ARHGAP42: variants seen among roughly 807,000 people sequenced by gnomAD.
ARHGAP42 encodes the protein rho GTPase-activating protein 42.
Under a neutral mutation model 125.0 loss-of-function variants are expected in ARHGAP42, and 63 were observed. The ratio of observed to expected loss-of-function variants is 0.50; its 90% CI spans 0.41 to 0.62. The LOEUF (loss-of-function observed/expected upper bound fraction) is 0.62. Among genes scored for constraint, ARHGAP42 ranks in the 20% least tolerant of loss-of-function variants. ARHGAP42 has a pLI of 0.00. For missense variants in ARHGAP42, 766 were observed against 1,024.2 expected, an observed-to-expected ratio of 0.75 and a Z score of 3.44; for synonymous variants, 339 against 351.0, an observed-to-expected ratio of 0.97 and a Z score of 0.38.
rs761581014 is a variant in ARHGAP42, at chr11:100,993,488, AATATACCACCACAT to A, written c.*4690_*4703del. On this transcript the variant is annotated 3_prime_UTR_variant, in exon 24 of 24. Coordinates refer to ENST00000298815, the MANE Select transcript of ARHGAP42 (RefSeq NM_152432.4). ...TGCACATGATTGATGCTTAAAATCC[AATATACCACCACAT>A]ATCAAAGGTTGGGATTTTCAGAGTC... 1.8e-5 allele frequency: 3 copies of A among 167,024 alleles called. No homozygotes were observed. Among genetic ancestry groups the A allele is most frequent in the Non-Finnish European group, 2.9e-5 (2 of 68,116 alleles). 10.3% of individuals were successfully genotyped at this position (167,024 alleles called of 1,614,324 possible).
At chr11:100,805,784 G>GACA (rs1863973931) in intron 3 of ARHGAP42, among the ~76,000 whole-genome samples, 2 of 152,164 alleles carry the variant, frequency 1.3e-5, no homozygotes, top group African/African-American at 2.4e-5. Context: ...AAACTGTCAT[G>GACA]GTGCTGGTGG....
chr11:100,875,377 G>A (rs1865796847), intron 4 of ARHGAP42, among the ~76,000 whole-genome samples: 1 of 152,068 alleles, frequency 6.6e-6, no homozygotes, highest in Non-Finnish European at 1.5e-5. Context: ...TAGGGCTGGG[G>A]CTAGGGGTGG....
chr11:100,962,496 A>G, intron 16 of ARHGAP42, 29 bp downstream of exon 16: 1 of 1,502,748 alleles, frequency 6.7e-7, no homozygotes, highest in Admixed American at 2.0e-5. Context: ...TATACACATT[A>G]TAATTGATGT....
chr11:100,940,843 CAT>C (rs35159175), intron 8 of ARHGAP42, among the ~76,000 whole-genome samples: 134,116 of 152,050 alleles, frequency 0.88, 59,236 homozygotes, highest in East Asian at 1. Context: ...ATTAAGAACT[CAT>C]ATTCTAGTCA....
chr11:100,978,818 C>T lies in ARHGAP42; in HGVS notation c.2394-169C>T, dbSNP rs1054350723. Among the ~76,000 whole-genome samples the T allele has an allele frequency of 4.6e-5, 7 of 152,280 alleles. No homozygotes were observed. The East Asian group carries it at 5.8e-4, about 13-fold the overall frequency. Reference sequence around the variant, plus strand: ...GTACTCTGTAAGCTGGAGGTTAGATCTAAAAATCTCATTGACATTAAAGGT... The same window carrying T: ...GTACTCTGTAAGCTGGAGGTTAGATTTAAAAATCTCATTGACATTAAAGGT... On this transcript the variant is annotated intron_variant, in intron 21 of 23. Transcript: ENST00000298815.
At chr11:100,808,010 T>C (rs1300373487) in intron 3 of ARHGAP42, among the ~76,000 whole-genome samples, 1 of 152,196 alleles carries the variant, frequency 6.6e-6, no homozygotes, top group East Asian at 1.9e-4. Flanking sequence ...ATAAAGTTAG[T>C]GTGTAACTGT....
In ARHGAP42 at chr11:100,687,467, G is replaced by A. The variant is rs1192101795; in HGVS notation, c.-212G>A. 1.3e-5 allele frequency among the ~76,000 whole-genome samples: 2 copies of A among 151,868 alleles called. No homozygotes were observed. Among genetic ancestry groups the A allele is most frequent in the Non-Finnish European group, 2.9e-5 (2 of 67,942 alleles). On this transcript the variant is annotated 5_prime_UTR_variant, in exon 1 of 24. Coordinates refer to ENST00000298815, the MANE Select transcript of ARHGAP42 (RefSeq NM_152432.4). Reference sequence around the variant, plus strand: ...ACTCGCGCCTCGGCCCGCCGCCCGCGCCTGCGCTCGCCTAGCCTCGGGGGA... The same window carrying A: ...ACTCGCGCCTCGGCCCGCCGCCCGCACCTGCGCTCGCCTAGCCTCGGGGGA...
chr11:100,939,284 A>G (rs1028842873), intron 8 of ARHGAP42, among the ~76,000 whole-genome samples: 56 of 152,224 alleles, frequency 3.7e-4, no homozygotes, highest in African/African-American at 1.3e-3. Flanking sequence ...ATTTAAACCC[A>G]TGTCATAATG....
At chr11:100,863,125 T>C (rs1346014008) in intron 4 of ARHGAP42, among the ~76,000 whole-genome samples, 1 of 151,674 alleles carries the variant, frequency 6.6e-6, no homozygotes, top group Admixed American at 6.6e-5. Flanking sequence ...TATGTATAGA[T>C]CAATTTTCTT....
intron 3 of ARHGAP42, among the ~76,000 whole-genome samples, chr11:100,837,926 T>TTTTTATTTTATTTTATTTTA (rs140607707): frequency 0.11 from 13,087 of 116,718 alleles, 1,269 homozygotes; most frequent in African/African-American, 0.19. Flanking sequence ...GTCTAACAGG[T>TTTTTATTTTATTTTATTTTA]TTTTATTTTA....
intron 1 of ARHGAP42, among the ~76,000 whole-genome samples, chr11:100,715,200 A>G (rs377451092): frequency 2.0e-4 from 31 of 152,150 alleles, no homozygotes; most frequent in African/African-American, 7.2e-4. Context: ...GCTGGGAGAA[A>G]ACTTAAAACT....
intron 3 of ARHGAP42, among the ~76,000 whole-genome samples, chr11:100,852,213 A>G (rs989264081): frequency 5.9e-5 from 9 of 152,134 alleles, no homozygotes; most frequent in African/African-American, 2.2e-4. Context: ...TTGCATATAT[A>G]TTGGGATATC....
intron 12 of ARHGAP42, among the ~76,000 whole-genome samples, chr11:100,952,136 C>A (rs1289693523): frequency 6.6e-6 from 1 of 151,980 alleles, no homozygotes; most frequent in Non-Finnish European, 1.5e-5. Context: ...TTACTTGAAG[C>A]CTGTTTTTAA....
chr11:100,952,726 A>C (rs985842067), intron 12 of ARHGAP42, among the ~76,000 whole-genome samples: 2 of 58,634 alleles, frequency 3.4e-5, no homozygotes. Flanking sequence ...TAATTCACCT[A>C]AGTCAGGCTT....
intron 12 of ARHGAP42, among the ~76,000 whole-genome samples, chr11:100,953,481 C>A (rs1195848469): frequency 1.3e-5 from 2 of 152,148 alleles, no homozygotes; most frequent in African/African-American, 4.8e-5. Context: ...GAAAATCCTA[C>A]AAGCAACAGT....
intron 4 of ARHGAP42, among the ~76,000 whole-genome samples, chr11:100,885,245 C>G (rs1271933724): frequency 6.6e-6 from 1 of 152,178 alleles, no homozygotes; most frequent in Non-Finnish European, 1.5e-5. Flanking sequence ...TTGAGTTAAA[C>G]AGTTAAAATA....
chr11:100,978,875 C>A, intron 21 of ARHGAP42, 112 bp from the exon 22 acceptor site: 1 of 1,013,066 alleles, frequency 9.9e-7, no homozygotes, highest in Non-Finnish European at 1.5e-6. Flanking sequence ...CTAATTTTGG[C>A]AATGGTTCTC....
intron 17 of ARHGAP42, among the ~76,000 whole-genome samples, chr11:100,971,260 CT>C (rs1253166912): frequency 6.6e-6 from 1 of 151,716 alleles, no homozygotes; most frequent in African/African-American, 2.4e-5. Context: ...ATGATTTTTT[CT>C]CTGTTTATTG....
chr11:100,775,925 T>C (rs682847), intron 2 of ARHGAP42, among the ~76,000 whole-genome samples: 42,235 of 152,032 alleles, frequency 0.28, 6,088 homozygotes, highest in Non-Finnish European at 0.31. Flanking sequence ...TTTGGGAGGC[T>C]GAGGCGGGCG....
Sources: gnomAD v4.1 joint callset for allele counts (sites outside exome capture counted in the v4.1 genomes callset) on GRCh38, gnomAD v4.1.1 for gene constraint, MANE v1.5 for transcripts, NCBI Gene and HGNC (gene_info 2026-07-23, HGNC 2026-07-21) for gene names.